The following TUBA3E variants were observed in gnomAD, a reference collection of about 807,000 sequenced individuals.
The protein encoded by TUBA3E is tubulin alpha-3E chain.
A neutral mutation model predicts 36.7 loss-of-function variants in TUBA3E; 21 were observed. That is an observed-to-expected ratio of 0.57 (90% CI 0.41 to 0.83). TUBA3E has a LOEUF of 0.83. TUBA3E is among the 40% of genes least tolerant of loss of function. The probability of loss-of-function intolerance (pLI) is 0.00; values close to 1 mark genes in which losing one functional copy is unlikely to be tolerated. For synonymous variants in TUBA3E, 177 were observed against 241.9 expected, an observed-to-expected ratio of 0.73 and a Z score of 2.49; for missense variants, 469 against 604.2, an observed-to-expected ratio of 0.78 and a Z score of 2.35.
In TUBA3E at chr2:130,191,765, T is replaced by C; in HGVS notation, c.*66A>G. The C allele has an allele frequency of 6.4e-7, 1 of 1,562,816 alleles. No individual in the cohort carries two copies. The highest frequency in any genetic ancestry group is 1.2e-5 in the South Asian group (1 of 81,430). On this transcript the variant is annotated 3_prime_UTR_variant, in exon 5 of 5. Coordinates refer to ENST00000312988, the MANE Select transcript of TUBA3E (RefSeq NM_207312.3). ...AGGTCTTGGTTTTATACAGAATCTT[T>C]AATTGCAAACAACTTGAAAGCAGCC...
chr2:130,191,977 C>A lies in TUBA3E; in HGVS notation c.1207G>T (p.Ala403Ser). Residue 403 changes from alanine to serine, a missense_variant, in exon 5 of 5, where the codon GCC becomes TCC. By Grantham distance (99) the Ala-to-Ser change is moderately conservative (BLOSUM62 1). Around this residue, in one of 3 missense-constraint regions of TUBA3E, gnomAD observed 296 missense variants for 346.9 expected, o/e 0.85. Coordinates refer to ENST00000312988, the MANE Select transcript of TUBA3E (RefSeq NM_207312.3). Reference sequence around the variant, plus strand: ...TCGCCCACGTACCAGTGCACAAAGGCCCACTTGGCATACATGAGATCGAAC... The same window carrying A: ...TCGCCCACGTACCAGTGCACAAAGGACCACTTGGCATACATGAGATCGAAC... ...HKFDLMYAKW[A>S]FVHWYVGEGM... The A allele has an allele frequency of 6.8e-6, 11 of 1,613,896 alleles. No homozygotes were observed. The highest frequency in any genetic ancestry group is 9.3e-6 in the Non-Finnish European group (11 of 1,179,890).
At chr2:130,195,545 C>T (rs559714146) in intron 2 of TUBA3E, among the ~76,000 whole-genome samples, 3 of 152,364 alleles carry the variant, frequency 2.0e-5, no homozygotes, top group African/African-American at 4.8e-5. Context: ...ACATCAAAGG[C>T]TGTAAGTTAA....
rs1288228385 is a variant in TUBA3E, at chr2:130,191,755, A to G, written c.*76T>C. ...TGACACTCAGAGGTCTTGGTTTTATACAGAATCTTTAATTGCAAACAACTT... is the reference window on the plus strand; with the variant it reads ...TGACACTCAGAGGTCTTGGTTTTATGCAGAATCTTTAATTGCAAACAACTT... On this transcript the variant is annotated 3_prime_UTR_variant, in exon 5 of 5. Coordinates refer to ENST00000312988, the MANE Select transcript of TUBA3E (RefSeq NM_207312.3). The G allele has an allele frequency of 1.8e-5, 28 of 1,556,310 alleles. No individual in the cohort carries two copies. Among genetic ancestry groups the G allele is most frequent in the Non-Finnish European group, 2.4e-5 (28 of 1,151,438 alleles).
rs562742057 is a variant in TUBA3E, at chr2:130,194,174, G to A, written c.668C>T (p.Thr223Met). Reference sequence around the variant, plus strand: ...AATCAGGCGATTGAGGTTGGTGTACGTGGGACGTTCAATGTCCAGGTTGCG... The same window carrying A: ...AATCAGGCGATTGAGGTTGGTGTACATGGGACGTTCAATGTCCAGGTTGCG... ...CRRNLDIERP[T>M]YTNLNRLIGQ... is the part of the protein sequence containing the mutation. The change falls in exon 4 of 5, where the codon ACG becomes ATG. Residue 223 changes from threonine to methionine, a missense_variant. By Grantham distance (81) the Thr-to-Met change is moderately conservative (BLOSUM62 -1). Transcript: ENST00000312988. 21 of 1,613,722 alleles carry A rather than the reference G, an allele frequency of 1.3e-5. No homozygotes were observed. Among genetic ancestry groups the A allele is most frequent in the Middle Eastern group, 1.7e-4 (1 of 5,774 alleles).
rs543339532 is a variant in TUBA3E at position 130,196,864 on chromosome 2, C to T, written c.4-493G>A. 7.1e-3 allele frequency among the ~76,000 whole-genome samples: 1,077 copies of T among 152,290 alleles called. 10 individuals carry two copies. Among genetic ancestry groups the T allele is most frequent in the African/African-American group, 0.022 (932 of 41,580 alleles). The stretch of plus-strand genomic sequence containing the variant: ...TCCATCATTCACCACCTGCTCTGTG[C>T]TCTCGAAGGCTGACCCTTGAGAACA... On this transcript the variant is annotated intron_variant, in intron 1 of 4. Transcript: ENST00000312988.
rs554213734 is a variant in TUBA3E at position 130,194,968 on chromosome 2, G to A, written c.375+111C>T. On this transcript the variant is annotated intron_variant, in intron 3 of 4. Coordinates refer to ENST00000312988, the MANE Select transcript of TUBA3E (RefSeq NM_207312.3). Reference sequence around the variant, plus strand: ...GCTGGGATTACACGTGTGAGCCACCGCGCCCGGCCAAGATGCTGGTCTAAG... The same window carrying A: ...GCTGGGATTACACGTGTGAGCCACCACGCCCGGCCAAGATGCTGGTCTAAG... 180 of 1,546,440 alleles carry A rather than the reference G, an allele frequency of 1.2e-4. 1 individual carries two copies. In the East Asian group the frequency reaches 2.2e-3, roughly 19 times the overall value.
intron 1 of TUBA3E, 21 bp from the exon 2 acceptor site, chr2:130,196,392 G>A (rs1290133067): frequency 1.9e-6 from 3 of 1,605,122 alleles, no homozygotes; most frequent in Non-Finnish European, 2.6e-6. Flanking sequence ...GAACATAAAT[G>A]TGAACCCATT....
chr2:130,196,244 C>T lies in TUBA3E; in HGVS notation c.131G>A (p.Gly44Asp), dbSNP rs1690400159. ...GAACGTGTTGAAGGAGTCGTCCCCGCCACCAATGGTTTTATCACTTGGCAT... is the reference window on the plus strand; with the variant it reads ...GAACGTGTTGAAGGAGTCGTCCCCGTCACCAATGGTTTTATCACTTGGCAT... ...GQMPSDKTIG[G>D]GDDSFNTFFS... The change falls in exon 2 of 5, where the codon GGC becomes GAC. Residue 44 changes from glycine (G) to aspartate (D), a missense_variant. By Grantham distance (94) the Gly-to-Asp change is moderately conservative. Around this residue, in one of 3 missense-constraint regions of TUBA3E, gnomAD observed 169 missense variants for 239.0 expected, o/e 0.71. Transcript: ENST00000312988. 12 of 1,613,896 alleles carry T rather than the reference C, an allele frequency of 7.4e-6. No homozygotes were observed. The highest frequency in any genetic ancestry group is 1.0e-5 in the Non-Finnish European group (12 of 1,179,904).
rs766077530 is a variant in TUBA3E, at chr2:130,195,086, C to T, written c.368G>A (p.Arg123His). Residue 123 changes from arginine (R) to histidine (H), a missense_variant, in exon 3 of 5, where the codon CGC becomes CAC. This residue lies in a region of TUBA3E where 169 missense variants were observed against 239.0 expected (regional missense o/e 0.71). Coordinates refer to ENST00000312988, the MANE Select transcript of TUBA3E (RefSeq NM_207312.3). ...GAAACCTTCTCTTCTTACCAGTTTG[C>T]GGATCCGGTCCAGGACTAGGTCAAC... is the stretch of plus-strand genomic sequence containing the variant. ...EIVDLVLDRI[R>H]KLADLCTGLQ... 1.3e-5 allele frequency: 21 copies of T among 1,612,486 alleles called. No homozygotes were observed. Among genetic ancestry groups the T allele is most frequent in the Middle Eastern group, 3.3e-4 (2 of 6,076 alleles).
At position 130,192,428 on chromosome 2, in the gene TUBA3E, T is replaced by C. The variant is rs576815859; in HGVS notation, c.1057-301A>G. 6.6e-5 allele frequency among the ~76,000 whole-genome samples: 10 copies of C among 152,308 alleles called. 1 individual carries two copies. The South Asian group carries it at 2.1e-3, about 32-fold the overall frequency. ...AGACAGTCTTCCCTCTGAAAATGTA[T>C]GCTGCTTGTCTTCTTTGTAGATTAC... On this transcript the variant is annotated intron_variant, in intron 4 of 4. Coordinates refer to ENST00000312988, the MANE Select transcript of TUBA3E (RefSeq NM_207312.3).
Position 130,191,803 on chromosome 2 carries a change from G to T in TUBA3E, c.*28C>A, listed in dbSNP as rs774859317. On this transcript the variant is annotated 3_prime_UTR_variant, in exon 5 of 5. Transcript: ENST00000312988. ...CTTGAAAGCAGCCATCCTAGGGGTG[G>T]CAGGGGAGAACCCACCACACCCTCC... 1 of 1,585,982 alleles carries T rather than the reference G, an allele frequency of 6.3e-7. No homozygotes were observed. The highest frequency in any genetic ancestry group is 8.6e-7 in the Non-Finnish European group (1 of 1,166,396).
chr2:130,195,561 C>T, intron 2 of TUBA3E, among the ~76,000 whole-genome samples: 1 of 152,248 alleles, frequency 6.6e-6, no homozygotes, highest in Non-Finnish European at 1.5e-5. Context: ...GTTAAAAACT[C>T]TTACAACCTG....
In TUBA3E at chr2:130,192,431, T is replaced by A. The variant is rs200231077; in HGVS notation, c.1057-304A>T. On this transcript the variant is annotated intron_variant, in intron 4 of 4. Transcript: ENST00000312988. ...CAGTCTTCCCTCTGAAAATGTATGC[T>A]GCTTGTCTTCTTTGTAGATTACAAT... Among the ~76,000 whole-genome samples the A allele has an allele frequency of 4.9e-4, 75 of 152,322 alleles. 2 individuals are homozygous for A. In the East Asian group the frequency reaches 0.014, roughly 28 times the overall value.
In TUBA3E at chr2:130,192,109, G is replaced by C. The variant is rs747036236; in HGVS notation, c.1075C>G (p.Pro359Ala). 8.1e-6 allele frequency: 13 copies of C among 1,597,794 alleles called. No individual in the cohort carries two copies. Among genetic ancestry groups the C allele is most frequent in the Non-Finnish European group, 1.1e-5 (13 of 1,171,058 alleles). The change falls in exon 5 of 5, where the codon CCC becomes GCC. Residue 359 changes from proline to alanine, a missense_variant. Physicochemically the swap from Pro to Ala is conservative, Grantham distance 27. Around this residue, in one of 3 missense-constraint regions of TUBA3E, gnomAD observed 296 missense variants for 346.9 expected, o/e 0.85. Transcript: ENST00000312988. ...TCTCCCCCGGGGACCACTGTGGGGGGCTGGTAGTTAATGCCCACCTGCCAG... is the reference window on the plus strand; with the variant it reads ...TCTCCCCCGGGGACCACTGTGGGGGCCTGGTAGTTAATGCCCACCTGCCAG... ...TGFKVGINYQPPTVVPGGDLA... is the reference protein window; with the variant it reads ...TGFKVGINYQAPTVVPGGDLA...
intron 4 of TUBA3E, among the ~76,000 whole-genome samples, chr2:130,192,447 A>T (rs1336791367): frequency 6.6e-6 from 1 of 152,178 alleles, no homozygotes; most frequent in African/African-American, 2.4e-5. Context: ...TCTTCTTTGT[A>T]GATTACAATT....
In TUBA3E at chr2:130,193,769, A is replaced by G. The variant is rs781238311; in HGVS notation, c.1056+17T>C. ...ATCTGCTGCTTGCTGAAAGGCCTCC[A>G]TGTCACCCAGTCATACCTTAAATCC... On this transcript the variant is annotated intron_variant, in intron 4 of 4. Coordinates refer to ENST00000312988, the MANE Select transcript of TUBA3E (RefSeq NM_207312.3). The G allele has an allele frequency of 6.3e-7, 1 of 1,588,216 alleles. No homozygotes were observed. The highest frequency in any genetic ancestry group is 8.6e-7 in the Non-Finnish European group (1 of 1,164,526).
At chr2:130,194,586 T>A in intron 3 of TUBA3E, 120 bp from the exon 4 acceptor site, 1 of 1,227,162 alleles carries the variant, frequency 8.1e-7, no homozygotes, top group Non-Finnish European at 1.1e-6. Flanking sequence ...TCATCCATAA[T>A]AAACATGCAA....
chr2:130,194,812 G>A (rs1690363922), intron 3 of TUBA3E, among the ~76,000 whole-genome samples: 1 of 152,132 alleles, frequency 6.6e-6, no homozygotes, highest in Non-Finnish European at 1.5e-5. Context: ...CAAGTAGCTG[G>A]CAGTACAGGT....
Position 130,194,234 on chromosome 2 carries a change from A to G in TUBA3E, c.608T>C (p.Met203Thr), listed in dbSNP as rs549615069. ...GTCATAGATGGCTTCATTGTCGACCATGAAGGCACAGTCAGAATGTTCCAG... is the reference window on the plus strand; with the variant it reads ...GTCATAGATGGCTTCATTGTCGACCGTGAAGGCACAGTCAGAATGTTCCAG... ...TTLEHSDCAFMVDNEAIYDIC... is the reference protein window; with the variant it reads ...TTLEHSDCAFTVDNEAIYDIC... Residue 203 changes from methionine (M) to threonine (T), a missense_variant, in exon 4 of 5, where the codon ATG becomes ACG. Around this residue, in one of 3 missense-constraint regions of TUBA3E, gnomAD observed 296 missense variants for 346.9 expected, o/e 0.85. Coordinates refer to ENST00000312988, the MANE Select transcript of TUBA3E (RefSeq NM_207312.3). 3.9e-5 allele frequency: 63 copies of G among 1,612,432 alleles called. No homozygotes were observed. Among genetic ancestry groups the G allele is most frequent in the Middle Eastern group, 3.8e-4 (2 of 5,272 alleles).
Sources: allele counts gnomAD v4.1 joint callset (sites outside exome capture counted in the v4.1 genomes callset), GRCh38; gene constraint gnomAD v4.1.1; regional missense constraint gnomAD v4.1.1; transcripts MANE v1.5; gene names NCBI Gene and HGNC (gene_info 2026-07-23, HGNC 2026-07-21).